Variants in RFC1 observed in about 807,000 individuals in gnomAD.
RFC1 encodes the protein replication factor C subunit 1, also known as A1 140 kDa subunit.
RFC1 carries 37 observed loss-of-function variants against 137.4 expected under a neutral mutation model. The observed-to-expected ratio is 0.27, with a 90% CI of 0.21 to 0.35. The LOEUF is 0.35. Ranked by LOEUF, RFC1 falls within the 10% of genes least tolerant of loss-of-function variation. RFC1 has a pLI of 1.00. For missense variants in RFC1, 1,205 were observed against 1,358.5 expected (o/e 0.89, Z 1.78); for synonymous variants, 429 against 455.7 (o/e 0.94, Z 0.75).
intron 2 of RFC1, among the ~76,000 whole-genome samples, chr4:39,348,566 T>G (rs1278696353): frequency 6.6e-6 from 1 of 151,460 alleles, no homozygotes; most frequent in Admixed American, 6.6e-5. Flanking sequence ...GCAAAAACAC[T>G]GTCAGTTTGA....
intron 4 of RFC1, among the ~76,000 whole-genome samples, chr4:39,331,103 T>C (rs1175417994): frequency 6.6e-6 from 1 of 152,216 alleles, no homozygotes; most frequent in Non-Finnish European, 1.5e-5. Context: ...TTTCCTTTTC[T>C]CTAAAATAAT....
rs763407525 is a variant in RFC1, at chr4:39,320,425, T to C, written c.1053A>G (p.Thr351=). ...AACTTTTGGTTTTCTTAGGAGTTTT[T>C]GTCTCTCCTTTCAATTTAATGGCAT... ...KENAIKLKGE[T]KTPKKTKSSP... The change falls in exon 9 of 25, where the codon ACA becomes ACG. Residue 351 remains threonine, a synonymous_variant. Coordinates refer to ENST00000349703, the MANE Select transcript of RFC1 (RefSeq NM_002913.5). 1.3e-6 allele frequency: 2 copies of C among 1,572,858 alleles called. No individual in the cohort carries two copies. The highest frequency in any genetic ancestry group is 1.7e-6 in the Non-Finnish European group (2 of 1,168,996).
intron 19 of RFC1, among the ~76,000 whole-genome samples, chr4:39,301,105 A>AC (rs1560592059): frequency 2.2e-4 from 33 of 151,988 alleles, no homozygotes; most frequent in African/African-American, 7.5e-4. Flanking sequence ...AAAAAACCAA[A>AC]AAAAACAAAA....
At chr4:39,294,526 C>A (rs1224778188) in intron 22 of RFC1, among the ~76,000 whole-genome samples, 1 of 151,808 alleles carries the variant, frequency 6.6e-6, no homozygotes, top group Non-Finnish European at 1.5e-5. Context: ...CAAAAATTAG[C>A]CAGGTGTGGT....
chr4:39,350,555 T>C (rs747693053), intron 2 of RFC1, among the ~76,000 whole-genome samples: 2 of 151,828 alleles, frequency 1.3e-5, no homozygotes, highest in Non-Finnish European at 2.9e-5. Context: ...TCAGATAAAC[T>C]AGAAGCCAAA....
At chr4:39,289,704 T>C (rs1044437757) in intron 24 of RFC1, 144 bp downstream of exon 24, 1 of 623,836 alleles carries the variant, frequency 1.6e-6, no homozygotes. Flanking sequence ...ATCTCTACCT[T>C]CTCCACCCTC....
intron 1 of RFC1, among the ~76,000 whole-genome samples, chr4:39,363,068 C>G (rs16995255): frequency 0.33 from 49,700 of 152,108 alleles, 8,306 homozygotes; most frequent in Non-Finnish European, 0.35. Context: ...GACCTCACGG[C>G]TCTTCAAACA....
Position 39,351,473 on chromosome 4 carries a change from T to A in RFC1, c.7A>T (p.Ile3Phe). The change falls in exon 2 of 25, where the codon ATT becomes TTT. Residue 3 changes from isoleucine to phenylalanine, a missense_variant. Ile to Phe is a conservative substitution (Grantham distance 21). This residue lies in a region of RFC1 where 962 missense variants were observed against 1,035.3 expected (regional missense o/e 0.93). Transcript: ENST00000349703. ...GGTATTACTCCAAAGAATTTCCGAATGTCCTAAAAGCAAAAAACAGGAGAT... is the reference window on the plus strand; with the variant it reads ...GGTATTACTCCAAAGAATTTCCGAAAGTCCTAAAAGCAAAAAACAGGAGAT... MD[I>F]RKFFGVIPSG... The A allele has an allele frequency of 6.5e-7, 1 of 1,549,164 alleles. No homozygotes were observed. The highest frequency in any genetic ancestry group is 8.7e-7 in the Non-Finnish European group (1 of 1,152,274).
intron 1 of RFC1, among the ~76,000 whole-genome samples, chr4:39,352,738 C>G (rs1461681822): frequency 6.6e-6 from 1 of 152,134 alleles, no homozygotes; most frequent in Non-Finnish European, 1.5e-5. Context: ...TTATCATTAT[C>G]TCTGCTTATA....
At chr4:39,340,412 C>T (rs1374324088) in intron 4 of RFC1, among the ~76,000 whole-genome samples, 1 of 152,076 alleles carries the variant, frequency 6.6e-6, no homozygotes, top group Non-Finnish European at 1.5e-5. Context: ...ATATTGGGAA[C>T]ACTTATTCTG....
At chr4:39,357,777 CA>C (rs1741554809) in intron 1 of RFC1, among the ~76,000 whole-genome samples, 2 of 151,900 alleles carry the variant, frequency 1.3e-5, no homozygotes, top group Non-Finnish European at 2.9e-5. Flanking sequence ...TCACCATACC[CA>C]GCTAATTTTT....
At chr4:39,323,307 A>G in intron 7 of RFC1, 33 bp downstream of exon 7, 1 of 1,584,858 alleles carries the variant, frequency 6.3e-7, no homozygotes, top group South Asian at 1.1e-5. Flanking sequence ...TGTACTGTAT[A>G]TTCAGAACGC....
Position 39,342,604 on chromosome 4 carries a change from C to T in RFC1, c.209-137G>A, listed in dbSNP as rs888662002. The T allele has an allele frequency of 2.0e-5, 16 of 803,212 alleles. No homozygotes were observed. The African/African-American group carries it at 2.8e-4, about 14-fold the overall frequency. The allele number at this position is 803,212 out of a possible 1,614,324, so 49.8% of individuals were successfully genotyped here. ...GTCTTCTGTGAATTCTCACAGGTTA[C>T]TTTTACTCAGTGCTAAGCCTATGTA... On this transcript the variant is annotated intron_variant, in intron 3 of 24. Coordinates refer to ENST00000349703, the MANE Select transcript of RFC1 (RefSeq NM_002913.5).
At chr4:39,361,311 C>T (rs1312979593) in intron 1 of RFC1, among the ~76,000 whole-genome samples, 1 of 152,134 alleles carries the variant, frequency 6.6e-6, no homozygotes, top group Non-Finnish European at 1.5e-5. Context: ...ATCACTTGAA[C>T]TTGGGAGGCG....
At chr4:39,295,939 G>GA in intron 21 of RFC1, 180 bp from the exon 22 acceptor site, 1 of 482,620 alleles carries the variant, frequency 2.1e-6, no homozygotes, top group Non-Finnish European at 3.6e-6. Context: ...TTCTCCCAGA[G>GA]AAAACAACAG....
chr4:39,302,222 A>C (rs1738394823), intron 19 of RFC1, 56 bp downstream of exon 19: 6 of 1,070,610 alleles, frequency 5.6e-6, no homozygotes, highest in Non-Finnish European at 5.8e-6. Context: ...AGCTACCTAC[A>C]GAACAAGAAG....
intron 21 of RFC1, chr4:39,297,839 C>A (rs1432197516): frequency 6.6e-6 from 1 of 152,140 alleles, no homozygotes; most frequent in African/African-American, 2.4e-5. Flanking sequence ...GCTATAAATA[C>A]TTCTTCAAGA....
chr4:39,346,891 T>C (rs1314415626), intron 2 of RFC1, among the ~76,000 whole-genome samples: 1 of 152,168 alleles, frequency 6.6e-6, no homozygotes, highest in Admixed American at 6.5e-5. Flanking sequence ...GTGGAACAAC[T>C]CCTATAGCTT....
intron 14 of RFC1, among the ~76,000 whole-genome samples, chr4:39,306,077 A>G (rs992563746): frequency 6.6e-6 from 1 of 152,236 alleles, no homozygotes; most frequent in Non-Finnish European, 1.5e-5. Context: ...AAGTTCTCCC[A>G]TTGTCTACAG....
Sources: allele counts gnomAD v4.1 joint callset (sites outside exome capture counted in the v4.1 genomes callset), GRCh38; gene constraint gnomAD v4.1.1; regional missense constraint gnomAD v4.1.1; transcripts MANE v1.5; gene names NCBI Gene and HGNC (gene_info 2026-07-23, HGNC 2026-07-21).